The following GOLGA4 variants were observed in gnomAD, a reference collection of about 807,000 sequenced individuals.
GOLGA4 encodes golgin A4.
In GOLGA4, 169 loss-of-function variants were observed where a neutral mutation model predicts 265.9. The observed-to-expected ratio is 0.64, with a 90% CI of 0.56 to 0.72. GOLGA4 has a LOEUF of 0.72. GOLGA4 is among the 30% of genes least tolerant of loss of function. GOLGA4 has a pLI of 0.00. For missense variants in GOLGA4, 2,482 were observed against 2,483.4 expected (o/e 1.00, Z 0.01); for synonymous variants, 923 against 855.8 (o/e 1.08, Z -1.37).
chr3:37,361,283 A>T lies in GOLGA4; in HGVS notation c.*11A>T. The T allele has an allele frequency of 6.2e-7, 1 of 1,612,850 alleles. No individual in the cohort carries two copies. Among genetic ancestry groups the T allele is most frequent in the Non-Finnish European group, 8.5e-7 (1 of 1,178,990 alleles). On this transcript the variant is annotated 3_prime_UTR_variant, in exon 23 of 24. Transcript: ENST00000361924. ...AGTGGTATCTTCTGAGTAAACCATC[A>T]GTCTGTGCTTAGTTAACATGTGGTG...
Position 37,285,901 on chromosome 3 carries a change from T to C in GOLGA4, c.478-113T>C, listed in dbSNP as rs1578502472. ...TCATGCATCTAATTAGGTTATCCTA[T>C]TAAGGACTCTTCTAATTTATTTTTT... On this transcript the variant is annotated intron_variant, in intron 3 of 23. Transcript: ENST00000361924. 9 of 602,530 alleles carry C rather than the reference T, an allele frequency of 1.5e-5. No individual in the cohort carries two copies. In the East Asian group the frequency reaches 2.2e-4, roughly 15 times the overall value. The allele number at this position is 602,530 out of a possible 1,614,324, so 37.3% of individuals were successfully genotyped here. A position where few individuals can be genotyped will look rare whatever the true frequency, so the allele number is the denominator to read the frequency against.
chr3:37,257,996 TGTATATATACATAC>T (rs1293819438), intron 2 of GOLGA4, among the ~76,000 whole-genome samples: 11 of 86,968 alleles, frequency 1.3e-4, no homozygotes, highest in African/African-American at 3.6e-4. Flanking sequence ...TATGTATATA[TGTATATATACATAC>T]ATATATATAT....
intron 2 of GOLGA4, among the ~76,000 whole-genome samples, chr3:37,277,206 T>C (rs1253371637): frequency 6.6e-6 from 1 of 152,244 alleles, no homozygotes; most frequent in Non-Finnish European, 1.5e-5. Context: ...TCATCTCTTG[T>C]AATTTCTTGT....
At chr3:37,274,356 T>G (rs905038515) in intron 2 of GOLGA4, among the ~76,000 whole-genome samples, 2 of 152,028 alleles carry the variant, frequency 1.3e-5, no homozygotes, top group Admixed American at 6.6e-5. Flanking sequence ...GCTCAAGTCA[T>G]TTTTTGTTTG....
chr3:37,338,369 A>G (rs1304767211), intron 19 of GOLGA4, among the ~76,000 whole-genome samples: 1 of 152,212 alleles, frequency 6.6e-6, no homozygotes, highest in Non-Finnish European at 1.5e-5. Context: ...ATGAGCATTA[A>G]TTGTACTATA....
chr3:37,284,216 G>A (rs773285346), intron 3 of GOLGA4, among the ~76,000 whole-genome samples: 4 of 152,098 alleles, frequency 2.6e-5, no homozygotes, highest in Non-Finnish European at 5.9e-5. Context: ...TTAGTTCAGG[G>A]ATACATGTTC....
Position 37,319,172 on chromosome 3 carries a change from A to C in GOLGA4, c.1523A>C (p.Gln508Pro). The change falls in exon 12 of 24, where the codon CAG becomes CCG. Residue 508 changes from glutamine to proline, a missense_variant. By Grantham distance (76) the Gln-to-Pro change is moderately conservative. This residue lies in a region of GOLGA4 where 1,536 missense variants were observed against 1,483.7 expected (regional missense o/e 1.04). Transcript: ENST00000361924. ...KKLQTREREF[Q>P]EQMKVALEKS... ...CTTCAGACCCGAGAAAGGGAATTTC[A>C]GGAACAAATGAAAGTAGCTCTTGTA... The C allele has an allele frequency of 6.2e-7, 1 of 1,609,578 alleles. No homozygotes were observed. The highest frequency in any genetic ancestry group is 8.5e-7 in the Non-Finnish European group (1 of 1,177,894).
At chr3:37,310,672 G>T (rs912665576) in intron 10 of GOLGA4, among the ~76,000 whole-genome samples, 1 of 151,960 alleles carries the variant, frequency 6.6e-6, no homozygotes, top group East Asian at 1.9e-4. Context: ...ACTGACAGAG[G>T]ATCATACTTA....
chr3:37,265,375 C>T (rs1213334156), intron 2 of GOLGA4, among the ~76,000 whole-genome samples: 1 of 152,084 alleles, frequency 6.6e-6, no homozygotes, highest in Non-Finnish European at 1.5e-5. Context: ...TTCTTCTGTA[C>T]ATACTTTAGA....
chr3:37,260,944 A>G (rs981993854), intron 2 of GOLGA4, among the ~76,000 whole-genome samples: 2 of 151,846 alleles, frequency 1.3e-5, no homozygotes, highest in African/African-American at 4.8e-5. Context: ...CAGCAGGAGG[A>G]ATGCTTGAAC....
intron 9 of GOLGA4, among the ~76,000 whole-genome samples, chr3:37,301,232 C>G (rs1013626717): frequency 2.0e-5 from 3 of 152,094 alleles, no homozygotes; most frequent in Middle Eastern, 3.2e-3. Context: ...TTACTGTATA[C>G]CATTTAGTTG....
At position 37,324,980 on chromosome 3, in the gene GOLGA4, C is replaced by G; in HGVS notation, c.3094C>G (p.Leu1032Val). 6.2e-7 allele frequency: 1 copy of G among 1,613,222 alleles called. No individual in the cohort carries two copies. Among genetic ancestry groups the G allele is most frequent in the East Asian group, 2.2e-5 (1 of 44,862 alleles). ...ETNQKEQIES[L>V]TEVHRRELND... ...AAACCAAAAAGAACAAATAGAAAGT[C>G]TTACTGAGGTTCATCGACGAGAACT... The change falls in exon 14 of 24, where the codon CTT (leucine) becomes GTT (valine). Residue 1032 changes from leucine (L) to valine (V), a missense_variant. Physicochemically the swap from Leu to Val is conservative, Grantham distance 32. Around this residue, in one of 3 missense-constraint regions of GOLGA4, gnomAD observed 1,536 missense variants for 1,483.7 expected, o/e 1.04. Coordinates refer to ENST00000361924, the MANE Select transcript of GOLGA4 (RefSeq NM_002078.5).
At chr3:37,319,431 G>C (rs940962808) in intron 12 of GOLGA4, 3 of 248,788 alleles carry the variant, frequency 1.2e-5, no homozygotes, top group Non-Finnish European at 1.6e-5. Flanking sequence ...GTCTCGCTCT[G>C]TTGCCTAGGC....
intron 16 of GOLGA4, among the ~76,000 whole-genome samples, chr3:37,332,988 T>C (rs1228750299): frequency 2.0e-5 from 3 of 152,242 alleles, no homozygotes; most frequent in Non-Finnish European, 2.9e-5. Context: ...TCCCTTAGAC[T>C]ATAAGCATCA....
rs759500565 is a variant in GOLGA4, at chr3:37,324,995, C to T, written c.3109C>T (p.Arg1037Ter). ...EQIESLTEVH[R>*]RELNDVISIW... is the part of the protein sequence containing the mutation. Reference sequence around the variant, plus strand: ...AATAGAAAGTCTTACTGAGGTTCATCGACGAGAACTCAATGATGTCATATC... The same window carrying T: ...AATAGAAAGTCTTACTGAGGTTCATTGACGAGAACTCAATGATGTCATATC... The change falls in exon 14 of 24, where the codon CGA becomes TGA. Residue 1037 changes from arginine to a stop codon, truncating the protein, a stop_gained. Transcript: ENST00000361924. LOFTEE classifies it high-confidence loss of function. The T allele has an allele frequency of 6.2e-6, 10 of 1,612,442 alleles. No homozygotes were observed. The highest frequency in any genetic ancestry group is 2.2e-5 in the East Asian group (1 of 44,856).
intron 2 of GOLGA4, among the ~76,000 whole-genome samples, chr3:37,253,586 G>T (rs907777922): frequency 1.3e-5 from 2 of 151,936 alleles, no homozygotes; most frequent in African/African-American, 2.4e-5. Context: ...AATTTAGAAA[G>T]AAATAAATAA....
rs776489207 is a variant in GOLGA4, at chr3:37,256,120, T to A, written c.162+4636T>A. 1.0e-3 allele frequency among the ~76,000 whole-genome samples: 157 copies of A among 152,262 alleles called. 1 individual carries two copies. Among genetic ancestry groups the A allele is most frequent in the Admixed American group, 3.3e-4 (5 of 15,288 alleles). The stretch of plus-strand genomic sequence containing the variant: ...GTATGTGTATCCGGTTGTCTCATCT[T>A]TTTCACACTGCTCTACTGTTCTACA... On this transcript the variant is annotated intron_variant, in intron 2 of 23. Coordinates refer to ENST00000361924, the MANE Select transcript of GOLGA4 (RefSeq NM_002078.5).
intron 5 of GOLGA4, among the ~76,000 whole-genome samples, chr3:37,293,000 T>C (rs1246675897): frequency 6.6e-6 from 1 of 152,234 alleles, no homozygotes; most frequent in Non-Finnish European, 1.5e-5. Context: ...CCTCAGTGTT[T>C]TGCTCGGGCA....
Position 37,311,242 on chromosome 3 carries a change from T to C in GOLGA4, c.1235-4178T>C, listed in dbSNP as rs568330235. On this transcript the variant is annotated intron_variant, in intron 10 of 23. Transcript: ENST00000361924. ...TGTAGAATCCATAATGGGTTTGAAATACGTTTTCTGTGTTTGGATATTATA... is the reference window on the plus strand; with the variant it reads ...TGTAGAATCCATAATGGGTTTGAAACACGTTTTCTGTGTTTGGATATTATA... 7.2e-5 allele frequency among the ~76,000 whole-genome samples: 11 copies of C among 152,300 alleles called. No homozygotes were observed. The South Asian group carries it at 2.1e-3, about 29-fold the overall frequency.
Sources: allele counts gnomAD v4.1 joint callset (sites outside exome capture counted in the v4.1 genomes callset), GRCh38; gene constraint gnomAD v4.1.1; regional missense constraint gnomAD v4.1.1; transcripts MANE v1.5; gene names NCBI Gene and HGNC (gene_info 2026-07-23, HGNC 2026-07-21).